Variants in NFIB observed in about 807,000 individuals in gnomAD.
The protein encoded by NFIB is nuclear factor I B, also known as nuclear factor 1 B-type.
NFIB carries 11 observed loss-of-function variants against 61.5 expected under a neutral mutation model. The observed-to-expected ratio is 0.18, with a 90% CI of 0.11 to 0.30. The LOEUF is 0.30. Among genes scored for constraint, NFIB ranks in the 10% least tolerant of loss-of-function variants. The pLI, the probability that NFIB is intolerant of heterozygous loss-of-function variation, is 1.00. For missense variants in NFIB, 471 were observed against 608.9 expected (o/e 0.77, Z 2.38); for synonymous variants, 260 against 216.5 (o/e 1.20, Z -1.76).
chr9:14,310,443 A>C (rs1013826211), intron 1 of NFIB, among the ~76,000 whole-genome samples: 4 of 152,284 alleles, frequency 2.6e-5, no homozygotes, highest in Admixed American at 6.5e-5. Flanking sequence ...AACATGCCTA[A>C]ATGTCATCTC....
intron 1 of NFIB, among the ~76,000 whole-genome samples, chr9:14,359,958 G>A (rs2061219104): frequency 6.6e-6 from 1 of 152,172 alleles, no homozygotes; most frequent in Non-Finnish European, 1.5e-5. Flanking sequence ...CATATTATAT[G>A]AGAAAATTAT....
At chr9:14,175,582 G>C (rs549157484) in intron 3 of NFIB, among the ~76,000 whole-genome samples, 64 of 152,278 alleles carry the variant, frequency 4.2e-4, no homozygotes, top group African/African-American at 1.4e-3. Context: ...TTGCTCCAGA[G>C]AGGATATAAG....
At chr9:14,439,678 T>C in the NFIB span, among the ~76,000 whole-genome samples, 2 of 152,154 alleles carry the variant, frequency 1.3e-5, no homozygotes, top group Middle Eastern at 3.4e-3. Context: ...GGGCTCTGTT[T>C]ATGAGAAGTG....
chr9:14,522,310 A>G, the NFIB span, among the ~76,000 whole-genome samples: 2 of 136,246 alleles, frequency 1.5e-5, no homozygotes, highest in Admixed American at 1.4e-4. Flanking sequence ...AAACTAATTG[A>G]TTGAACATTC....
At chr9:14,353,949 A>T (rs2061145316) in intron 1 of NFIB, among the ~76,000 whole-genome samples, 1 of 151,618 alleles carries the variant, frequency 6.6e-6, no homozygotes, top group Non-Finnish European at 1.5e-5. Context: ...CATCTGAAAG[A>T]AAAGACCTGC....
chr9:14,353,853 C>CTT (rs59303621), intron 1 of NFIB, among the ~76,000 whole-genome samples: 22 of 118,722 alleles, frequency 1.9e-4, no homozygotes, highest in South Asian at 2.8e-4. Context: ...GGGGTTTTGT[C>CTT]TTTTTTTTTT....
intron 2 of NFIB, among the ~76,000 whole-genome samples, chr9:14,280,711 G>C (rs571626910): frequency 1.3e-5 from 2 of 152,230 alleles, no homozygotes; most frequent in Non-Finnish European, 2.9e-5. Flanking sequence ...GTGCATAGGA[G>C]GTGTCTGTGG....
At chr9:14,428,631 A>C in the NFIB span, among the ~76,000 whole-genome samples, 6 of 152,342 alleles carry the variant, frequency 3.9e-5, no homozygotes, top group South Asian at 6.2e-4. Flanking sequence ...TACAGGATTT[A>C]TGTGGCTTCA....
chr9:14,115,089 T>G (rs2037926402), intron 9 of NFIB, among the ~76,000 whole-genome samples: 1 of 152,144 alleles, frequency 6.6e-6, no homozygotes, highest in Non-Finnish European at 1.5e-5. Flanking sequence ...ACGGGGCTCA[T>G]GAATTTTGAG....
At chr9:14,348,786 C>G (rs2061067187) in intron 1 of NFIB, among the ~76,000 whole-genome samples, 5 of 152,366 alleles carry the variant, frequency 3.3e-5, no homozygotes, top group Admixed American at 1.3e-4. Flanking sequence ...TCTTTGAAAA[C>G]TGGAAACAGC....
chr9:14,314,964 A>G (rs2060472351), upstream of NFIB, among the ~76,000 whole-genome samples: 3 of 151,768 alleles, frequency 2.0e-5, no homozygotes, highest in South Asian at 6.3e-4. Context: ...TGAGCCCGAG[A>G]AAGGAACGAG....
At chr9:14,347,906 A>G (rs2061051232) in intron 1 of NFIB, among the ~76,000 whole-genome samples, 1 of 151,946 alleles carries the variant, frequency 6.6e-6, no homozygotes, top group African/African-American at 2.4e-5. Flanking sequence ...CGCGCCAGGG[A>G]GCTTTGGAGC....
the NFIB span, among the ~76,000 whole-genome samples, chr9:14,507,901 T>C: frequency 6.6e-6 from 1 of 151,924 alleles, no homozygotes; most frequent in African/African-American, 2.4e-5. Flanking sequence ...TTTCTTTCTA[T>C]GTGACACAGG....
At chr9:14,380,987 A>C (rs2061481622) in intron 1 of NFIB, among the ~76,000 whole-genome samples, 1 of 133,546 alleles carries the variant, frequency 7.5e-6, no homozygotes, top group Non-Finnish European at 1.5e-5. Context: ...TGTTCATCTG[A>C]TTTCCTGTTC....
chr9:14,338,170 G>C (rs867104126), intron 1 of NFIB, among the ~76,000 whole-genome samples: 1 of 152,108 alleles, frequency 6.6e-6, no homozygotes, highest in Non-Finnish European at 1.5e-5. Context: ...CGAGGCAGGC[G>C]GATCACAAGG....
At chr9:14,427,934 G>GTGGTTTTTTTTTTTTTT in the NFIB span, among the ~76,000 whole-genome samples, 1 of 25,946 alleles carries the variant, frequency 3.9e-5, no homozygotes, top group East Asian at 1.8e-3. Flanking sequence ...CTTTAATTCA[G>GTGGTTTTTTTTTTTTTT]TTGTTTTTTT....
At chr9:14,243,966 T>C (rs2054618524) in intron 2 of NFIB, among the ~76,000 whole-genome samples, 1 of 152,228 alleles carries the variant, frequency 6.6e-6, no homozygotes. Flanking sequence ...CCGTATACTG[T>C]AGTTATCACG....
chr9:14,432,720 C>T, the NFIB span, among the ~76,000 whole-genome samples: 11 of 152,086 alleles, frequency 7.2e-5, no homozygotes, highest in Non-Finnish European at 1.5e-4. Flanking sequence ...GGGAATTTGC[C>T]ATATTTAGGA....
Position 14,313,374 on chromosome 9 carries a change from G to A in NFIB, c.30+108C>T, listed in dbSNP as rs1342598535. The A allele has an allele frequency of 2.6e-6, 4 of 1,522,008 alleles. No homozygotes were observed. Among genetic ancestry groups the A allele is most frequent in the African/African-American group, 2.8e-5 (2 of 72,570 alleles). The allele number at this position is 1,522,008 out of a possible 1,614,324, so 94.3% of individuals were successfully genotyped here. On this transcript the variant is annotated intron_variant, in intron 1 of 10. Coordinates refer to ENST00000380953, the MANE Select transcript of NFIB (RefSeq NM_001190737.2). This position sits in a 1 kb window ranked among gnomAD's most constrained non-coding sequence, Gnocchi z 4.5. ...GCAACTCCGGGCCACTTCTCCAAGG[G>A]ACGGGGATGTGCGGAGGTTAACTCA...
Sources: allele counts gnomAD v4.1 joint callset (sites outside exome capture counted in the v4.1 genomes callset), GRCh38; gene constraint gnomAD v4.1.1; non-coding constraint Gnocchi (gnomAD v3.1); transcripts MANE v1.5; gene names NCBI Gene and HGNC (gene_info 2026-07-23, HGNC 2026-07-21).